The following UBL3 variants were observed in gnomAD, a reference collection of about 807,000 sequenced individuals.
The protein encoded by UBL3 is ubiquitin like 3, also known as ubiquitin-like protein 3.
Under a neutral mutation model 18.4 loss-of-function variants are expected in UBL3, and 6 were observed. The observed-to-expected ratio is 0.33, with a 90% CI of 0.18 to 0.64. The LOEUF is 0.64. UBL3 is among the 30% of genes least tolerant of loss of function. The pLI is 0.76. For synonymous variants in UBL3, 49 were observed against 46.6 expected (o/e 1.05, Z -0.21); for missense variants, 109 against 142.9 (o/e 0.76, Z 1.21).
At chr13:29,848,383 G>A (rs1879281551) in intron 1 of UBL3, among the ~76,000 whole-genome samples, 1 of 151,714 alleles carries the variant, frequency 6.6e-6, no homozygotes, top group Non-Finnish European at 1.5e-5. Flanking sequence ...CTTGAACCCA[G>A]GAGGCAGAGG....
chr13:29,797,288 A>T lies in UBL3; in HGVS notation c.28-20025T>A, dbSNP rs1038007491. ...GGTACTTTGCTTCCTTGTGAAAGAG[A>T]TATGATGTTCATGGTCAAAGAAGCA... On this transcript the variant is annotated intron_variant, in intron 1 of 4. Coordinates refer to ENST00000380680, the MANE Select transcript of UBL3 (RefSeq NM_007106.4). Among the ~76,000 whole-genome samples, 3 of 152,182 alleles carry T rather than the reference A, an allele frequency of 2.0e-5. No homozygotes were observed. In the East Asian group the frequency reaches 5.8e-4, roughly 29 times the overall value.
chr13:29,820,661 C>A (rs1330849755), intron 1 of UBL3, among the ~76,000 whole-genome samples: 1 of 152,112 alleles, frequency 6.6e-6, no homozygotes, highest in Non-Finnish European at 1.5e-5. Flanking sequence ...ACATTTCTGT[C>A]CTTTCATTCT....
At chr13:29,845,814 C>T (rs1879214122) in intron 1 of UBL3, among the ~76,000 whole-genome samples, 2 of 151,996 alleles carry the variant, frequency 1.3e-5, no homozygotes, top group African/African-American at 4.8e-5. Flanking sequence ...TTTCTTTGAC[C>T]GTTTTATCAA....
intron 1 of UBL3, among the ~76,000 whole-genome samples, chr13:29,822,076 T>C (rs1340058660): frequency 1.3e-5 from 2 of 152,210 alleles, no homozygotes; most frequent in Admixed American, 6.5e-5. Flanking sequence ...TGAATATATA[T>C]GGTAGGGAAA....
intron 3 of UBL3, among the ~76,000 whole-genome samples, chr13:29,771,102 T>G (rs1286949446): frequency 6.6e-6 from 1 of 152,040 alleles, no homozygotes; most frequent in Non-Finnish European, 1.5e-5. Context: ...CAATCCTGTA[T>G]TCCCAAGTGC....
chr13:29,798,815 T>TTTTATAA (rs1799235493), intron 1 of UBL3, among the ~76,000 whole-genome samples: 1 of 152,190 alleles, frequency 6.6e-6, no homozygotes, highest in African/African-American at 2.4e-5. Context: ...AACGTTATAA[T>TTTTATAA]TTTAGTAATT....
intron 1 of UBL3, among the ~76,000 whole-genome samples, chr13:29,795,379 A>G (rs1877581854): frequency 6.6e-6 from 1 of 152,114 alleles, no homozygotes; most frequent in South Asian, 2.1e-4. Context: ...AAAAATATAT[A>G]CTTAATATGC....
At chr13:29,768,798 T>G (rs1182570409) in intron 3 of UBL3, among the ~76,000 whole-genome samples, 2 of 152,074 alleles carry the variant, frequency 1.3e-5, no homozygotes, top group Admixed American at 1.3e-4. Context: ...AGGCCTGACT[T>G]AAATCAAAAT....
At position 29,849,682 on chromosome 13, in the gene UBL3, C is replaced by A; in HGVS notation, c.-144G>T. ...CCCCAAAAATAAAGTTATTTTGGAG[C>A]CAAAGTGCCGGTCAGGCCGAGGTTC... On this transcript the variant is annotated 5_prime_UTR_variant, in exon 1 of 5. Transcript: ENST00000380680. 1 of 1,102,196 alleles carries A rather than the reference C, an allele frequency of 9.1e-7. No homozygotes were observed. The highest frequency in any genetic ancestry group is 1.3e-6 in the Non-Finnish European group (1 of 757,970). 68.3% of individuals were successfully genotyped at this position (1,102,196 alleles called of 1,614,324 possible). A position where few individuals can be genotyped will look rare whatever the true frequency, so the allele number is the denominator to read the frequency against.
At chr13:29,804,647 A>G (rs998058525) in intron 1 of UBL3, among the ~76,000 whole-genome samples, 1 of 152,200 alleles carries the variant, frequency 6.6e-6, no homozygotes, top group African/African-American at 2.4e-5. Context: ...TACAAAAAAA[A>G]TCCTGGGAGA....
intron 1 of UBL3, among the ~76,000 whole-genome samples, chr13:29,797,445 T>C (rs1054115977): frequency 2.0e-5 from 3 of 152,280 alleles, no homozygotes; most frequent in Admixed American, 1.3e-4. Context: ...CTCTTTAAGG[T>C]CTCGAAATAC....
At chr13:29,824,270 G>A (rs1261856624) in intron 1 of UBL3, among the ~76,000 whole-genome samples, 1 of 152,080 alleles carries the variant, frequency 6.6e-6, no homozygotes, top group African/African-American at 2.4e-5. Context: ...CTAGATCCTT[G>A]AGGAATCACC....
At chr13:29,843,290 T>G (rs1024418690) in intron 1 of UBL3, among the ~76,000 whole-genome samples, 1 of 151,488 alleles carries the variant, frequency 6.6e-6, no homozygotes, top group Admixed American at 6.5e-5. Flanking sequence ...TAAAATTTTG[T>G]TTTTACTTTA....
At chr13:29,847,169 AAAGTT>A (rs762641937) in intron 1 of UBL3, among the ~76,000 whole-genome samples, 9 of 152,336 alleles carry the variant, frequency 5.9e-5, no homozygotes, top group Admixed American at 2.6e-4. Flanking sequence ...GCAAAAATGC[AAAGTT>A]AAGTAATAAA....
intron 1 of UBL3, among the ~76,000 whole-genome samples, chr13:29,833,548 T>G (rs1475299336): frequency 6.6e-6 from 1 of 152,182 alleles, no homozygotes; most frequent in Admixed American, 6.5e-5. Flanking sequence ...CAATATTCCC[T>G]CTGCCTACAA....
At chr13:29,849,456 TTAAA>T (rs1272604436) in intron 1 of UBL3, 52 bp downstream of exon 1, 2 of 1,613,030 alleles carry the variant, frequency 1.2e-6, no homozygotes, top group African/African-American at 1.3e-5. Context: ...GTCTTTCCGA[TTAAA>T]TAAGATTGGA....
intron 1 of UBL3, among the ~76,000 whole-genome samples, chr13:29,840,573 A>G (rs1879072702): frequency 6.6e-6 from 1 of 152,202 alleles, no homozygotes; most frequent in African/African-American, 2.4e-5. Context: ...AACTCAATGA[A>G]GTATTATCTA....
intron 1 of UBL3, among the ~76,000 whole-genome samples, chr13:29,845,876 A>G (rs757104574): frequency 3.3e-5 from 5 of 152,088 alleles, no homozygotes; most frequent in Non-Finnish European, 7.4e-5. Context: ...CACACTGTCA[A>G]TTTCTCTCTT....
intron 1 of UBL3, among the ~76,000 whole-genome samples, chr13:29,780,246 C>T (rs1877112123): frequency 6.7e-6 from 1 of 148,974 alleles, no homozygotes; most frequent in African/African-American, 2.5e-5. Context: ...CCCAGCTACT[C>T]GGGAGGCTGA....
Sources: gnomAD v4.1 joint callset for allele counts (sites outside exome capture counted in the v4.1 genomes callset) on GRCh38, gnomAD v4.1.1 for gene constraint, MANE v1.5 for transcripts, NCBI Gene and HGNC (gene_info 2026-07-23, HGNC 2026-07-21) for gene names.